The following PCDH11X variants were observed in gnomAD, a reference collection of about 807,000 sequenced individuals.
PCDH11X encodes protocadherin-11 X-linked.
PCDH11X carries 18 observed loss-of-function variants against 53.3 expected under a neutral mutation model. The observed-to-expected ratio is 0.34, with a 90% confidence interval of 0.23 to 0.50. The LOEUF (loss-of-function observed/expected upper bound fraction) is 0.50. Ranked by LOEUF, PCDH11X falls within the 20% of genes least tolerant of loss-of-function variation. PCDH11X has a pLI of 0.98. For missense variants in PCDH11X, 570 were observed against 1,032.4 expected, an observed-to-expected ratio of 0.55 and a Z score of 6.14; for synonymous variants, 279 against 393.3, an observed-to-expected ratio of 0.71 and a Z score of 3.44.
At chrX:92,014,164 A>C (rs1209136489) in intron 6 of PCDH11X, among the ~76,000 whole-genome samples, 1 of 104,024 alleles carries the variant, frequency 9.6e-6, no homozygotes, top group Non-Finnish European at 2.0e-5. Context: ...CAGAATCTAC[A>C]AATAACTCAA....
intron 10 of PCDH11X, among the ~76,000 whole-genome samples, chrX:92,587,130 A>G (rs1924479533): frequency 1.8e-5 from 2 of 110,169 alleles, no homozygotes; most frequent in South Asian, 7.8e-4. Context: ...ATTTTACAGC[A>G]TCTTATTTCT....
intron 6 of PCDH11X, among the ~76,000 whole-genome samples, chrX:92,171,045 G>A (rs1330760337): frequency 1.9e-5 from 2 of 102,582 alleles, no homozygotes; most frequent in African/African-American, 7.0e-5. Context: ...TTTTGGCCTC[G>A]AGCAATCCTC....
chrX:92,071,808 A>C (rs2063706401), intron 6 of PCDH11X, among the ~76,000 whole-genome samples: 1 of 111,877 alleles, frequency 8.9e-6, no homozygotes, highest in Admixed American at 9.4e-5. Flanking sequence ...GCCGTCTGCA[A>C]CTGGAGGTGT....
At chrX:91,840,676 G>A (rs778573494) in intron 5 of PCDH11X, among the ~76,000 whole-genome samples, 32 of 111,084 alleles carry the variant, frequency 2.9e-4, no homozygotes, top group African/African-American at 1.0e-3. Context: ...CCAAGAATGA[G>A]ACATCAAATA....
At chrX:91,954,734 G>GT (rs1035875929) in intron 6 of PCDH11X, among the ~76,000 whole-genome samples, 13 of 111,278 alleles carry the variant, frequency 1.2e-4, no homozygotes, top group African/African-American at 3.9e-4. Flanking sequence ...CGTTTCATAT[G>GT]TTTTTTGCCT....
chrX:92,375,166 A>ATATATATATATTTT lies in PCDH11X; in HGVS notation c.3145-12568_3145-12567insATATATATATTTTT, dbSNP rs1302181048. 1.1e-3 allele frequency among the ~76,000 whole-genome samples: 9 copies of ATATATATATATTTT among 8,258 alleles called. No individual in the cohort carries two copies. The East Asian group carries it at 0.012, about 11-fold the overall frequency. The allele number at this position is 8,258 out of a possible 115,157, so 7.2% of individuals were successfully genotyped here. On this transcript the variant is annotated intron_variant, in intron 8 of 10. Coordinates refer to ENST00000682573, the MANE Select transcript of PCDH11X (RefSeq NM_032968.5). ...TTTATATATATATATATATATATAT[A>ATATATATATATTTT]TTTTTTTTTTTTTTTTTTTTTTTTT...
At chrX:92,575,905 GTATATATATATATATATA>G (rs58574424) in intron 10 of PCDH11X, among the ~76,000 whole-genome samples, 2 of 25,827 alleles carry the variant, frequency 7.7e-5, no homozygotes, top group Non-Finnish European at 6.2e-5. Context: ...TACCTGGTGT[GTATATATATATATATATA>G]TATATATATA....
At position 92,385,123 on chromosome X, in the gene PCDH11X, A is replaced by G. The variant is rs185146103; in HGVS notation, c.3145-2612A>G. Among the ~76,000 whole-genome samples, 245 of 79,612 alleles carry G rather than the reference A, an allele frequency of 3.1e-3. 7 individuals are homozygous for G. In the East Asian group the frequency reaches 0.032, roughly 11 times the overall value. 69.1% of individuals were successfully genotyped at this position (79,612 alleles called of 115,157 possible). On this transcript the variant is annotated intron_variant, in intron 8 of 10. Coordinates refer to ENST00000682573, the MANE Select transcript of PCDH11X (RefSeq NM_032968.5). ...CTGAGACTTTAGAGTTGAAGCAACT[A>G]AACTTTTTATAAACTTTTATGAAAC...
At chrX:91,958,209 A>G (rs1187382562) in intron 6 of PCDH11X, among the ~76,000 whole-genome samples, 1 of 112,165 alleles carries the variant, frequency 8.9e-6, no homozygotes, top group African/African-American at 3.2e-5. Flanking sequence ...GCAGACTGCA[A>G]CCTGCTGCCA....
intron 6 of PCDH11X, among the ~76,000 whole-genome samples, chrX:92,011,294 T>C (rs1432947813): frequency 6.3e-5 from 7 of 111,961 alleles, no homozygotes; most frequent in Non-Finnish European, 1.3e-4. Flanking sequence ...CTTTGAGTAA[T>C]TTCCATTGCT....
chrX:92,370,594 G>A (rs1473543353), intron 8 of PCDH11X, among the ~76,000 whole-genome samples: 1 of 108,604 alleles, frequency 9.2e-6, no homozygotes, highest in Non-Finnish European at 1.9e-5. Context: ...CAAGTAGCTG[G>A]GATTACAGGC....
intron 6 of PCDH11X, among the ~76,000 whole-genome samples, chrX:92,035,596 G>T (rs1018175008): frequency 1.5e-5 from 1 of 67,479 alleles, no homozygotes; most frequent in Non-Finnish European, 2.8e-5. Context: ...TTGGGAAGTT[G>T]ATTATTAAAT....
chrX:92,229,265 A>G (rs2067026455), intron 7 of PCDH11X, among the ~76,000 whole-genome samples: 1 of 111,248 alleles, frequency 9.0e-6, no homozygotes, highest in Non-Finnish European at 1.9e-5. Flanking sequence ...AAGGCATAGC[A>G]GGGAAAACAA....
intron 10 of PCDH11X, among the ~76,000 whole-genome samples, chrX:92,566,686 T>G (rs1409215498): frequency 3.6e-5 from 4 of 111,641 alleles, no homozygotes; most frequent in African/African-American, 1.3e-4. Flanking sequence ...AAAAAATCTA[T>G]TTTCACTTTA....
chrX:92,280,860 CTT>C (rs1283759185), intron 8 of PCDH11X, among the ~76,000 whole-genome samples: 1 of 110,610 alleles, frequency 9.0e-6, no homozygotes, highest in Non-Finnish European at 1.9e-5. Flanking sequence ...GTGGGGAAAA[CTT>C]GACATCTAGT....
intron 6 of PCDH11X, among the ~76,000 whole-genome samples, chrX:91,980,589 A>G (rs1249204941): frequency 1.8e-5 from 2 of 109,376 alleles, no homozygotes; most frequent in African/African-American, 6.7e-5. Flanking sequence ...ACAGGCTCAC[A>G]CTGGCTAAAT....
chrX:92,160,641 C>CT (rs529782445), intron 6 of PCDH11X, among the ~76,000 whole-genome samples: 35,082 of 87,738 alleles, frequency 0.4, 6,494 homozygotes, highest in Non-Finnish European at 0.49. Context: ...ATTTTTTTTT[C>CT]TTTTTTTTTT....
chrX:92,405,882 CAGG>C (rs1384260164), intron 9 of PCDH11X, among the ~76,000 whole-genome samples: 49 of 110,559 alleles, frequency 4.4e-4, no homozygotes, highest in African/African-American at 1.6e-3. Flanking sequence ...ATCACGAGGT[CAGG>C]AGATCGAGAC....
intron 6 of PCDH11X, among the ~76,000 whole-genome samples, chrX:92,132,645 ATATATATATATG>A (rs1459869686): frequency 5.2e-5 from 3 of 58,176 alleles, no homozygotes; most frequent in African/African-American, 8.8e-5. Flanking sequence ...GTATATATAT[ATATATATATATG>A]TATATATATA....
Sources: gnomAD v4.1 joint callset for allele counts (sites outside exome capture counted in the v4.1 genomes callset) on GRCh38, gnomAD v4.1.1 for gene constraint, MANE v1.5 for transcripts, NCBI Gene and HGNC (gene_info 2026-07-23, HGNC 2026-07-21) for gene names.